The following SEC61A2 variants were observed in gnomAD, a reference collection of about 807,000 sequenced individuals.
SEC61A2 encodes the protein protein transport protein Sec61 subunit alpha isoform 2.
A neutral mutation model predicts 59.9 loss-of-function variants in SEC61A2; 28 were observed. That is an observed-to-expected ratio of 0.47 (90% CI 0.35 to 0.64). The LOEUF (loss-of-function observed/expected upper bound fraction) is 0.64, where lower values mean the gene tolerates loss of function less well. Ranked by LOEUF, SEC61A2 falls within the 30% of genes least tolerant of loss-of-function variation. The pLI, the probability that SEC61A2 is intolerant of heterozygous loss-of-function variation, is 0.01. For synonymous variants in SEC61A2, 202 were observed against 214.4 expected, an observed-to-expected ratio of 0.94 and a Z score of 0.50; for missense variants, 340 against 585.9, an observed-to-expected ratio of 0.58 and a Z score of 4.33.
At chr10:12,140,233 T>C (rs972756463) in intron 3 of SEC61A2, among the ~76,000 whole-genome samples, 9 of 152,186 alleles carry the variant, frequency 5.9e-5, no homozygotes, top group African/African-American at 2.2e-4. Flanking sequence ...TCTAAGGTCA[T>C]TTTCAGTTTT....
At chr10:12,135,602 A>G (rs1417360375) in intron 2 of SEC61A2, among the ~76,000 whole-genome samples, 1 of 152,112 alleles carries the variant, frequency 6.6e-6, no homozygotes, top group African/African-American at 2.4e-5. Flanking sequence ...CTCATCATCC[A>G]TCTTTTCCTG....
intron 4 of SEC61A2, among the ~76,000 whole-genome samples, chr10:12,146,421 G>A (rs1301567734): frequency 6.6e-6 from 1 of 152,212 alleles, no homozygotes; most frequent in Admixed American, 6.5e-5. Flanking sequence ...GATGCTGGGG[G>A]CCTACTCCTG....
intron 4 of SEC61A2, among the ~76,000 whole-genome samples, chr10:12,148,288 C>T (rs1379631118): frequency 7.1e-6 from 1 of 139,988 alleles, no homozygotes; most frequent in Non-Finnish European, 1.5e-5. Flanking sequence ...TCTTGTTGCC[C>T]AGGCTGGAGT....
chr10:12,150,030 T>A (rs1834238927), intron 6 of SEC61A2, 69 bp downstream of exon 6: 1 of 1,000,188 alleles, frequency 1.0e-6, no homozygotes, highest in Admixed American at 2.0e-5. Context: ...TTCTAACAGT[T>A]CTTTAGGTGA....
chr10:12,153,049 ACT>A lies in SEC61A2; in HGVS notation c.463-2726_463-2725del, dbSNP rs1202855715. Reference sequence around the variant, plus strand: ...ACTCCAGCCTGGGCGACAGAGTGAGACTCTGTCTCAAAAAAAAAAAAAAAGAT... The same window carrying A: ...ACTCCAGCCTGGGCGACAGAGTGAGACTGTCTCAAAAAAAAAAAAAAAGAT... On this transcript the variant is annotated intron_variant, in intron 6 of 11. Transcript: ENST00000298428. The surrounding 1 kb of genome is among the most constrained non-coding windows in gnomAD (Gnocchi z 5.2). 7.2e-6 allele frequency among the ~76,000 whole-genome samples: 1 copy of A among 138,050 alleles called. No homozygotes were observed. The highest frequency in any genetic ancestry group is 2.3e-4 in the South Asian group (1 of 4,386). The allele number at this position is 138,050 out of a possible 152,430, so 90.6% of individuals were successfully genotyped here.
chr10:12,156,037 T>A lies in SEC61A2; in HGVS notation c.616+106T>A. 2 of 1,186,270 alleles carry A rather than the reference T, an allele frequency of 1.7e-6. No homozygotes were observed. The highest frequency in any genetic ancestry group is 2.5e-6 in the Non-Finnish European group (2 of 814,858). The allele number at this position is 1,186,270 out of a possible 1,614,324, so 73.5% of individuals were successfully genotyped here. On this transcript the variant is annotated intron_variant, in intron 7 of 11. Transcript: ENST00000298428. This position sits in a 1 kb window ranked among gnomAD's most constrained non-coding sequence, Gnocchi z 5.2. ...CTAGAGCCGTTCTGGTTTGCTCTCC[T>A]AGGGGATAAGGAATGCGAATTCTTC... is the stretch of plus-strand genomic sequence containing the variant.
chr10:12,135,557 C>A (rs143639459), intron 2 of SEC61A2, among the ~76,000 whole-genome samples: 1 of 152,130 alleles, frequency 6.6e-6, no homozygotes, highest in Non-Finnish European at 1.5e-5. Flanking sequence ...GTATCCATCA[C>A]CCAGATAACG....
intron 3 of SEC61A2, among the ~76,000 whole-genome samples, chr10:12,138,085 C>G (rs925057378): frequency 2.6e-5 from 4 of 152,014 alleles, no homozygotes; most frequent in Non-Finnish European, 4.4e-5. Context: ...GTTCGAAAAT[C>G]TATTGAAATA....
At chr10:12,132,778 T>C (rs2131642061) in intron 1 of SEC61A2, among the ~76,000 whole-genome samples, 1 of 152,344 alleles carries the variant, frequency 6.6e-6, no homozygotes, top group African/African-American at 2.4e-5. Flanking sequence ...CCTCCTCTGA[T>C]ACCTGCTTTC....
chr10:12,168,055 C>T (rs924304567), downstream of SEC61A2, among the ~76,000 whole-genome samples: 30 of 149,990 alleles, frequency 2.0e-4, no homozygotes, highest in African/African-American at 6.7e-4. This position sits in a 1 kb window ranked among gnomAD's most constrained non-coding sequence, Gnocchi z 4.8. Flanking sequence ...GAGACAGTCT[C>T]GCTCTGTTGC....
intron 9 of SEC61A2, among the ~76,000 whole-genome samples, chr10:12,159,423 C>T (rs1047457975): frequency 5.9e-5 from 9 of 152,118 alleles, no homozygotes; most frequent in African/African-American, 1.7e-4. Context: ...CGTGTTGGCT[C>T]TCATCTGTAA....
intron 11 of SEC61A2, among the ~76,000 whole-genome samples, chr10:12,163,183 G>A (rs1834568411): frequency 6.6e-6 from 1 of 151,976 alleles, no homozygotes; most frequent in Non-Finnish European, 1.5e-5. Context: ...TTTAATTTCA[G>A]CCATCCTGAT....
intron 3 of SEC61A2, among the ~76,000 whole-genome samples, chr10:12,138,070 G>C (rs2131648631): frequency 6.6e-6 from 1 of 152,064 alleles, no homozygotes; most frequent in South Asian, 2.1e-4. Context: ...AAGGTTTTTT[G>C]GGGAGTTCGA....
chr10:12,168,853 C>T (rs1460417127), downstream of SEC61A2, among the ~76,000 whole-genome samples: 2 of 152,086 alleles, frequency 1.3e-5, no homozygotes, highest in Non-Finnish European at 2.9e-5. The surrounding 1 kb of genome is among the most constrained non-coding windows in gnomAD (Gnocchi z 4.8). Context: ...ACCTGCGCCT[C>T]CCGGGTTCAA....
chr10:12,161,270 C>A lies in SEC61A2; in HGVS notation c.1167+149C>A. ...CCTGGGCAACATAGCGAGACCCCGT[C>A]ATGACTAAAAAAATACAAATAAAAA... On this transcript the variant is annotated intron_variant, in intron 10 of 11. Transcript: ENST00000298428. This position sits in a 1 kb window ranked among gnomAD's most constrained non-coding sequence, Gnocchi z 5.4. 5 of 573,566 alleles carry A rather than the reference C, an allele frequency of 8.7e-6. No homozygotes were observed. The highest frequency in any genetic ancestry group is 1.2e-5 in the Non-Finnish European group (4 of 338,026). The allele number at this position is 573,566 out of a possible 1,614,324, so 35.5% of individuals were successfully genotyped here.
intron 6 of SEC61A2, among the ~76,000 whole-genome samples, chr10:12,151,072 GC>G: frequency 6.6e-6 from 1 of 151,156 alleles, no homozygotes; most frequent in Non-Finnish European, 1.5e-5. Flanking sequence ...ACTGCGCCCG[GC>G]CCTAAGTATC....
At chr10:12,167,816 G>A (rs373371044), downstream of SEC61A2, 13 of 1,613,310 alleles carry the variant, frequency 8.1e-6, no homozygotes, top group African/African-American at 1.2e-4. Context: ...CCAGAGCTGT[G>A]GAAAGCAAAG....
downstream of SEC61A2, chr10:12,167,514 T>C (rs1366360492): frequency 3.1e-5 from 17 of 552,224 alleles, no homozygotes; most frequent in Non-Finnish European, 4.4e-5. Flanking sequence ...GCTGGAGTTA[T>C]AACAAATTTA....
Position 12,164,195 on chromosome 10 carries a change from A to G in SEC61A2, c.1245-73A>G. On this transcript the variant is annotated intron_variant, in intron 11 of 11. Transcript: ENST00000298428. The surrounding 1 kb of genome is among the most constrained non-coding windows in gnomAD (Gnocchi z 7.3). ...ACCCAGCTATGGCTGCTGCGCCTCG[A>G]CCTGTCTTCGTCTCTAGCTGCCGTG... The G allele has an allele frequency of 6.4e-7, 1 of 1,559,734 alleles. No individual in the cohort carries two copies. Among genetic ancestry groups the G allele is most frequent in the South Asian group, 1.2e-5 (1 of 86,094 alleles).
Sources: gnomAD v4.1 joint callset for allele counts (sites outside exome capture counted in the v4.1 genomes callset) on GRCh38, gnomAD v4.1.1 for gene constraint, Gnocchi (gnomAD v3.1) non-coding constraint, MANE v1.5 for transcripts, NCBI Gene and HGNC (gene_info 2026-07-23, HGNC 2026-07-21) for gene names.